Variants in LUZP2 observed in about 807,000 individuals in gnomAD.
LUZP2 encodes leucine zipper protein 2.
Under a neutral mutation model 51.6 loss-of-function variants are expected in LUZP2, and 52 were observed. The ratio of observed to expected loss-of-function variants is 1.01; its 90% CI spans 0.81 to 1.27. The LOEUF (loss-of-function observed/expected upper bound fraction) is 1.27. Ranked by LOEUF, LUZP2 falls within the 50% of genes most tolerant of loss-of-function variation. The pLI, the probability that LUZP2 is intolerant of heterozygous loss-of-function variation, is 0.00. For synonymous variants in LUZP2, 154 were observed against 137.3 expected, an observed-to-expected ratio of 1.12 and a Z score of -0.85; for missense variants, 436 against 395.4, an observed-to-expected ratio of 1.10 and a Z score of -0.87.
At chr11:24,898,352 C>G (rs182746538) in intron 5 of LUZP2, among the ~76,000 whole-genome samples, 154 of 152,206 alleles carry the variant, frequency 1.0e-3, no homozygotes, top group African/African-American at 3.5e-3. Flanking sequence ...AGGCCGGGCG[C>G]GGTGGCTCAT....
At chr11:24,849,044 C>A (rs941815769) in intron 5 of LUZP2, among the ~76,000 whole-genome samples, 1 of 152,040 alleles carries the variant, frequency 6.6e-6, no homozygotes, top group African/African-American at 2.4e-5. Flanking sequence ...GATGCCAATT[C>A]TCACCACACT....
At chr11:24,735,490 T>G (rs998594622) in intron 3 of LUZP2, among the ~76,000 whole-genome samples, 1 of 151,900 alleles carries the variant, frequency 6.6e-6, no homozygotes, top group African/African-American at 2.4e-5. Context: ...GAAGGCAGTT[T>G]TGGACTCGGT....
At chr11:24,914,581 A>G (rs1853739350) in intron 7 of LUZP2, 43 bp downstream of exon 7, 1 of 1,254,798 alleles carries the variant, frequency 8.0e-7, no homozygotes, top group East Asian at 2.4e-5. Flanking sequence ...TGCTAGCTCA[A>G]TACCTAAAAT....
rs534230182 is a variant in LUZP2, at chr11:24,505,196, T to C, written c.62+7891T>C. 5.9e-5 allele frequency among the ~76,000 whole-genome samples: 9 copies of C among 152,262 alleles called. No individual in the cohort carries two copies. The South Asian group carries it at 1.9e-3, about 32-fold the overall frequency. ...CTCCTGCCTGTCCTCCAGAGGGTTATGATGGTTTCTGACCTTCAGATTCTG... is the reference window on the plus strand; with the variant it reads ...CTCCTGCCTGTCCTCCAGAGGGTTACGATGGTTTCTGACCTTCAGATTCTG... On this transcript the variant is annotated intron_variant, in intron 1 of 11. Coordinates refer to ENST00000336930, the MANE Select transcript of LUZP2 (RefSeq NM_001009909.4).
intron 1 of LUZP2, among the ~76,000 whole-genome samples, chr11:24,580,810 G>A (rs1265807656): frequency 6.6e-6 from 1 of 152,046 alleles, no homozygotes; most frequent in African/African-American, 2.4e-5. Context: ...TATACTATAT[G>A]TCATTAATAA....
rs545558476 is a variant in LUZP2 at position 24,846,980 on chromosome 11, T to C, written c.397-59011T>C. Among the ~76,000 whole-genome samples the C allele has an allele frequency of 2.6e-5, 4 of 151,902 alleles. No individual in the cohort carries two copies. In the East Asian group the frequency reaches 5.8e-4, roughly 22 times the overall value. Reference sequence around the variant, plus strand: ...ACGTATATGTATATATACACTCATATATAGTACGTGTACAACACTCTCTCC... The same window carrying C: ...ACGTATATGTATATATACACTCATACATAGTACGTGTACAACACTCTCTCC... On this transcript the variant is annotated intron_variant, in intron 5 of 11. Transcript: ENST00000336930.
chr11:24,978,777 C>T lies in LUZP2; in HGVS notation c.597+2112C>T, dbSNP rs552894343. On this transcript the variant is annotated intron_variant, in intron 8 of 11. Coordinates refer to ENST00000336930, the MANE Select transcript of LUZP2 (RefSeq NM_001009909.4). ...CTAAGTACCTGTGGGTCATAGGGCA[C>T]GGTATAGTCACAAAACACTTTATTT... is the stretch of plus-strand genomic sequence containing the variant. 4.6e-5 allele frequency among the ~76,000 whole-genome samples: 7 copies of T among 151,742 alleles called. No homozygotes were observed. The East Asian group carries it at 5.8e-4, about 13-fold the overall frequency.
intron 7 of LUZP2, among the ~76,000 whole-genome samples, chr11:24,923,342 C>T (rs1020936586): frequency 6.6e-6 from 1 of 151,930 alleles, no homozygotes; most frequent in African/African-American, 2.4e-5. Flanking sequence ...AGGAAAAAGT[C>T]AAACTTGAAA....
intron 5 of LUZP2, among the ~76,000 whole-genome samples, chr11:24,809,848 G>T (rs965147605): frequency 6.6e-6 from 1 of 151,878 alleles, no homozygotes; most frequent in Non-Finnish European, 1.5e-5. Context: ...ATGATACAAA[G>T]GTATAAATGA....
intron 7 of LUZP2, among the ~76,000 whole-genome samples, chr11:24,966,891 A>G (rs1855599949): frequency 6.8e-6 from 1 of 147,740 alleles, no homozygotes; most frequent in Admixed American, 6.8e-5. Flanking sequence ...AAGTATGTCT[A>G]ATATATATAT....
rs141661368 is a variant in LUZP2 at position 24,914,532 on chromosome 11, A to G, written c.516A>G (p.Leu172=). 2 of 1,604,680 alleles carry G rather than the reference A, an allele frequency of 1.2e-6. No homozygotes were observed. The highest frequency in any genetic ancestry group is 1.7e-6 in the Non-Finnish European group (2 of 1,176,588). Reference sequence around the variant, plus strand: ...TTCGTTATGGGAAGAAGGATTTATTATTTAAGGTGAGTCTCTTTTCTCTCT... The same window carrying G: ...TTCGTTATGGGAAGAAGGATTTATTGTTTAAGGTGAGTCTCTTTTCTCTCT... ...KELRYGKKDL[L]FKAQQLTDLE... is the part of the protein sequence containing the mutation. The change falls in exon 7 of 12, where the codon TTA becomes TTG. Residue 172 remains leucine, a synonymous_variant. Transcript: ENST00000336930.
At chr11:24,590,579 T>A (rs959996216) in intron 1 of LUZP2, among the ~76,000 whole-genome samples, 7 of 152,200 alleles carry the variant, frequency 4.6e-5, no homozygotes, top group African/African-American at 1.7e-4. Flanking sequence ...AATTTTTTAC[T>A]AATCTGTAAA....
chr11:24,998,197 A>C (rs935368870), intron 9 of LUZP2, among the ~76,000 whole-genome samples: 1 of 152,124 alleles, frequency 6.6e-6, no homozygotes, highest in East Asian at 1.9e-4. Flanking sequence ...TTGAATCTGT[A>C]AATTACCTTG....
chr11:25,058,003 T>C (rs1307490040), intron 10 of LUZP2, among the ~76,000 whole-genome samples: 1 of 151,716 alleles, frequency 6.6e-6, no homozygotes, highest in Non-Finnish European at 1.5e-5. Context: ...GAGTTGTTGG[T>C]AGATCCAATG....
At chr11:24,922,867 T>A (rs935689983) in intron 7 of LUZP2, among the ~76,000 whole-genome samples, 8 of 126,842 alleles carry the variant, frequency 6.3e-5, no homozygotes, top group African/African-American at 1.5e-4. Flanking sequence ...TTTTTTTTTT[T>A]AGAGGGAGTC....
intron 1 of LUZP2, chr11:24,646,598 T>C: frequency 1.0e-6 from 1 of 985,096 alleles, no homozygotes; most frequent in Non-Finnish European, 1.2e-6. Context: ...GAAGAAAGAC[T>C]GGTTGAGTTT....
intron 1 of LUZP2, among the ~76,000 whole-genome samples, chr11:24,625,924 A>G (rs953804139): frequency 6.6e-6 from 1 of 152,152 alleles, no homozygotes; most frequent in African/African-American, 2.4e-5. Flanking sequence ...GAAAAAATCA[A>G]TGTTTCTAGT....
chr11:24,931,586 T>C (rs1214535594), intron 7 of LUZP2, among the ~76,000 whole-genome samples: 3 of 152,206 alleles, frequency 2.0e-5, no homozygotes, highest in African/African-American at 7.2e-5. Context: ...TTGTTTATAT[T>C]TGTGCTGTCT....
At chr11:24,610,611 G>T (rs78939671) in intron 1 of LUZP2, among the ~76,000 whole-genome samples, 4,251 of 152,236 alleles carry the variant, frequency 0.028, 201 homozygotes, top group African/African-American at 0.097. Flanking sequence ...TTCTATGAGT[G>T]GTTCTACTTA....
Sources: allele counts gnomAD v4.1 joint callset (sites outside exome capture counted in the v4.1 genomes callset), GRCh38; gene constraint gnomAD v4.1.1; transcripts MANE v1.5; gene names NCBI Gene and HGNC (gene_info 2026-07-23, HGNC 2026-07-21).